FGD6: variants seen among roughly 807,000 people sequenced by gnomAD.
The protein encoded by FGD6 is FYVE, RhoGEF and PH domain-containing protein 6.
In FGD6, 90 loss-of-function variants were observed where a neutral mutation model predicts 149.4. The observed-to-expected ratio is 0.60, with a 90% CI of 0.51 to 0.72. The LOEUF is 0.72. Among genes scored for constraint, FGD6 ranks in the 30% least tolerant of loss-of-function variants. FGD6 has a pLI of 0.00. For missense variants in FGD6, 1,437 were observed against 1,684.8 expected, an observed-to-expected ratio of 0.85 and a Z score of 2.57; for synonymous variants, 527 against 584.0, an observed-to-expected ratio of 0.90 and a Z score of 1.41.
At chr12:95,214,173 T>TA (rs2056741127) in intron 1 of FGD6, among the ~76,000 whole-genome samples, 1 of 152,218 alleles carries the variant, frequency 6.6e-6, no homozygotes, top group African/African-American at 2.4e-5. Flanking sequence ...TTCACTGATG[T>TA]ATCCCAGTGC....
At chr12:95,116,793 T>A in intron 8 of FGD6, 1 of 455,714 alleles carries the variant, frequency 2.2e-6, no homozygotes, top group Non-Finnish European at 4.4e-6. Context: ...TCCATTCATG[T>A]TTTTAGGGCA....
intron 14 of FGD6, among the ~76,000 whole-genome samples, chr12:95,099,237 T>C (rs1047151760): frequency 1.3e-5 from 2 of 152,124 alleles, no homozygotes; most frequent in African/African-American, 2.4e-5. Context: ...TGGCCCAAGG[T>C]AGAGGCTCCA....
chr12:95,141,728 T>C (rs78753969), intron 5 of FGD6, among the ~76,000 whole-genome samples, 189 bp from the exon 6 acceptor site: 14,340 of 152,120 alleles, frequency 0.094, 720 homozygotes, highest in South Asian at 0.14. Context: ...AAATAAAAAA[T>C]AGTGAGACGA....
intron 14 of FGD6, 21 bp downstream of exon 14, chr12:95,104,986 A>G (rs761184150): frequency 1.2e-4 from 182 of 1,499,520 alleles, no homozygotes; most frequent in Middle Eastern, 3.6e-4. Context: ...AAAAAAAAAA[A>G]AAGAAGAAGA....
intron 14 of FGD6, among the ~76,000 whole-genome samples, chr12:95,103,604 G>C (rs773720955): frequency 6.6e-6 from 1 of 152,072 alleles, no homozygotes; most frequent in African/African-American, 2.4e-5. Flanking sequence ...GAGTGATCTC[G>C]GTTCACTGCA....
intron 5 of FGD6, among the ~76,000 whole-genome samples, chr12:95,149,075 G>T (rs184950256): frequency 1.9e-4 from 1 of 5,256 alleles, no homozygotes; most frequent in Non-Finnish European, 2.4e-4. Context: ...TATTATATAA[G>T]ATATAGCATA....
intron 16 of FGD6, 145 bp downstream of exon 16, chr12:95,092,554 A>C: frequency 1.2e-6 from 1 of 859,630 alleles, no homozygotes; most frequent in South Asian, 3.4e-5. Flanking sequence ...AACACCATTC[A>C]TGTTTGCTAC....
chr12:95,125,836 T>A, intron 8 of FGD6: 1 of 1,016,550 alleles, frequency 9.8e-7, no homozygotes, highest in Non-Finnish European at 1.6e-6. Flanking sequence ...AAATTCATTG[T>A]GATCATAGAT....
intron 14 of FGD6, among the ~76,000 whole-genome samples, chr12:95,099,362 G>C (rs1012225821): frequency 6.6e-6 from 1 of 152,166 alleles, no homozygotes; most frequent in Non-Finnish European, 1.5e-5. Context: ...TGCTGATGGA[G>C]CATGCAGTGT....
chr12:95,128,621 A>G (rs1879419211), intron 8 of FGD6, among the ~76,000 whole-genome samples: 4 of 152,200 alleles, frequency 2.6e-5, no homozygotes, highest in African/African-American at 9.6e-5. Context: ...TTTAGTCACA[A>G]GACAAAGGGC....
At chr12:95,182,335 T>C (rs149848264) in intron 2 of FGD6, among the ~76,000 whole-genome samples, 16 of 151,586 alleles carry the variant, frequency 1.1e-4, no homozygotes, top group African/African-American at 3.9e-4. Flanking sequence ...CCAGAGTAGC[T>C]GGGACTACAG....
intron 8 of FGD6, among the ~76,000 whole-genome samples, chr12:95,114,544 A>G (rs1254336750): frequency 2.0e-5 from 3 of 152,092 alleles, no homozygotes; most frequent in Non-Finnish European, 4.4e-5. Flanking sequence ...ACAAAAAAAA[A>G]AATTATCTGA....
chr12:95,110,069 C>T (rs368525057), intron 9 of FGD6, among the ~76,000 whole-genome samples: 6 of 151,784 alleles, frequency 4.0e-5, no homozygotes, highest in South Asian at 4.2e-4. Flanking sequence ...CTCCACCTCC[C>T]GGGTTCACAC....
chr12:95,084,400 T>A (rs1051245299), intron 20 of FGD6, 98 bp downstream of exon 20: 2 of 987,482 alleles, frequency 2.0e-6, no homozygotes, highest in Non-Finnish European at 2.9e-6. Flanking sequence ...GATGTAAATT[T>A]TGAGTTGTCC....
At chr12:95,082,964 T>C (rs891599067) in intron 20 of FGD6, among the ~76,000 whole-genome samples, 1 of 117,778 alleles carries the variant, frequency 8.5e-6, no homozygotes, top group African/African-American at 3.3e-5. Context: ...CTGGGCAACA[T>C]TGCTAGACTC....
chr12:95,135,709 CT>C (rs1879646018), intron 7 of FGD6, among the ~76,000 whole-genome samples: 5 of 152,194 alleles, frequency 3.3e-5, no homozygotes, highest in Admixed American at 2.0e-4. Flanking sequence ...TTTGCTCAGA[CT>C]TTTATCATTT....
intron 9 of FGD6, among the ~76,000 whole-genome samples, chr12:95,110,466 C>T (rs1012597045): frequency 6.6e-6 from 1 of 151,830 alleles, no homozygotes; most frequent in Non-Finnish European, 1.5e-5. Flanking sequence ...AGCAATTCTC[C>T]TGCCTCAGTC....
At chr12:95,174,667 G>A (rs1881077875) in intron 2 of FGD6, among the ~76,000 whole-genome samples, 1 of 152,118 alleles carries the variant, frequency 6.6e-6, no homozygotes, top group African/African-American at 2.4e-5. Flanking sequence ...GGTGGCTCAC[G>A]CCTGTAATCC....
chr12:95,108,625 T>C, intron 9 of FGD6, 64 bp from the exon 10 acceptor site: 1 of 1,579,260 alleles, frequency 6.3e-7, no homozygotes, highest in Non-Finnish European at 8.7e-7. Context: ...GTTTGCAACA[T>C]TAAGCAATTC....
Sources: gnomAD v4.1 joint callset for allele counts (sites outside exome capture counted in the v4.1 genomes callset) on GRCh38, gnomAD v4.1.1 for gene constraint, MANE v1.5 for transcripts, NCBI Gene and HGNC (gene_info 2026-07-23, HGNC 2026-07-21) for gene names.